The following ANO1 variants were observed in gnomAD, a reference collection of about 807,000 sequenced individuals.
The protein encoded by ANO1 is anoctamin 1.
A neutral mutation model predicts 124.0 loss-of-function variants in ANO1; 59 were observed. The ratio of observed to expected loss-of-function variants is 0.48; its 90% confidence interval spans 0.39 to 0.59. The LOEUF is 0.59. Ranked by LOEUF, ANO1 falls within the 20% of genes least tolerant of loss-of-function variation. The pLI is 0.00. For missense variants in ANO1, 1,059 were observed against 1,328.0 expected, an observed-to-expected ratio of 0.80 and a Z score of 3.15; for synonymous variants, 529 against 532.0, an observed-to-expected ratio of 0.99 and a Z score of 0.08.
chr11:70,167,378 A>G lies in ANO1; in HGVS notation c.2188A>G (p.Met730Val). The G allele has an allele frequency of 6.2e-7, 1 of 1,611,696 alleles. No homozygotes were observed. Among genetic ancestry groups the G allele is most frequent in the Non-Finnish European group, 8.5e-7 (1 of 1,178,766 alleles). The change falls in exon 21 of 26, where the codon ATG becomes GTG. Residue 730 changes from methionine (M) to valine (V), a missense_variant. Physicochemically the swap from Met to Val is conservative, Grantham distance 21. Coordinates refer to ENST00000355303, the MANE Select transcript of ANO1 (RefSeq NM_018043.7). ...EPFAGLTPEY[M>V]EMIIQFGFVT... ...CTTCGCGGGCCTCACCCCAGAGTAC[A>G]TGGAAATGAGTGAGTGATGGCCGGG...
At chr11:69,993,624 C>T (rs535570117) in intron 1 of ANO1, among the ~76,000 whole-genome samples, 25 of 152,342 alleles carry the variant, frequency 1.6e-4, no homozygotes, top group African/African-American at 5.5e-4. Context: ...CTGTGGGCAC[C>T]ACTGTATCCT....
chr11:70,160,684 C>T (rs534253862), intron 16 of ANO1, among the ~76,000 whole-genome samples: 1 of 152,320 alleles, frequency 6.6e-6, no homozygotes, highest in East Asian at 1.9e-4. Context: ...AGCCCTGCAC[C>T]ACCTGAGGAT....
At chr11:70,071,995 ATT>A (rs1555009365) in intron 1 of ANO1, among the ~76,000 whole-genome samples, 1 of 152,074 alleles carries the variant, frequency 6.6e-6, no homozygotes, top group Non-Finnish European at 1.5e-5. Flanking sequence ...TAGATTATTG[ATT>A]TCCCCTGATT....
At chr11:70,084,393 C>T (rs991092312) in intron 1 of ANO1, among the ~76,000 whole-genome samples, 7 of 152,196 alleles carry the variant, frequency 4.6e-5, no homozygotes, top group Admixed American at 3.3e-4. Context: ...ATCAGGGTGA[C>T]GGGGATGGCT....
chr11:70,082,644 C>G (rs1231078396), intron 1 of ANO1, among the ~76,000 whole-genome samples: 4 of 152,220 alleles, frequency 2.6e-5, no homozygotes, highest in African/African-American at 9.6e-5. Flanking sequence ...AATACAGAAA[C>G]AGAAATGTTC....
At chr11:70,061,918 T>G (rs1555007795) in intron 1 of ANO1, among the ~76,000 whole-genome samples, 1 of 152,100 alleles carries the variant, frequency 6.6e-6, no homozygotes, top group East Asian at 1.9e-4. Context: ...CCACAGGAAG[T>G]GTCAGGGCCT....
intron 1 of ANO1, among the ~76,000 whole-genome samples, chr11:70,053,223 G>A (rs116213824): frequency 6.6e-6 from 1 of 152,026 alleles, no homozygotes; most frequent in Non-Finnish European, 1.5e-5. Context: ...TGCTTTTGGG[G>A]ATAAAGTCAG....
At chr11:70,163,828 C>T (rs574971773) in intron 19 of ANO1, among the ~76,000 whole-genome samples, 1 of 151,912 alleles carries the variant, frequency 6.6e-6, no homozygotes, top group African/African-American at 2.4e-5. Context: ...ATCCCACCTA[C>T]TCGGGAGGCT....
chr11:70,032,505 G>A (rs1418472623), intron 1 of ANO1, among the ~76,000 whole-genome samples: 3 of 147,456 alleles, frequency 2.0e-5, no homozygotes, highest in African/African-American at 7.5e-5. Flanking sequence ...GAGCAAAAAA[G>A]ATGGGAGAGT....
At chr11:70,098,640 C>T (rs1323899590) in intron 2 of ANO1, among the ~76,000 whole-genome samples, 5 of 152,296 alleles carry the variant, frequency 3.3e-5, no homozygotes, top group Middle Eastern at 3.4e-3. Context: ...AAGGGCAACC[C>T]GAAAACCACC....
At chr11:70,175,700 T>A (rs540452479) in intron 22 of ANO1, among the ~76,000 whole-genome samples, 1 of 152,348 alleles carries the variant, frequency 6.6e-6, no homozygotes, top group African/African-American at 2.4e-5. Context: ...CCTCGCCAAG[T>A]ACCTGGCTTT....
intron 19 of ANO1, 149 bp downstream of exon 19, chr11:70,163,489 C>A (rs1463079141): frequency 2.2e-6 from 2 of 928,266 alleles, no homozygotes; most frequent in Non-Finnish European, 3.4e-6. Flanking sequence ...TTTCTGTTCC[C>A]CTGATGTGGT....
chr11:70,019,296 G>A (rs1565162238), intron 1 of ANO1, among the ~76,000 whole-genome samples: 2 of 134,272 alleles, frequency 1.5e-5, no homozygotes, highest in Admixed American at 9.1e-5. Flanking sequence ...CACAACCCAC[G>A]CTACACACAT....
chr11:69,999,301 G>A (rs1434091457), intron 1 of ANO1, among the ~76,000 whole-genome samples: 4 of 152,080 alleles, frequency 2.6e-5, no homozygotes, highest in African/African-American at 9.7e-5. Flanking sequence ...TGAATCTCAT[G>A]AGAACTCACT....
At chr11:70,168,551 C>T (rs1590908707) in intron 21 of ANO1, among the ~76,000 whole-genome samples, 1 of 152,222 alleles carries the variant, frequency 6.6e-6, no homozygotes, top group East Asian at 1.9e-4. Flanking sequence ...ACCCCTAGAG[C>T]AGGTCCAGGT....
intron 6 of ANO1, chr11:70,111,016 T>C: frequency 2.4e-6 from 1 of 412,818 alleles, no homozygotes; most frequent in Non-Finnish European, 4.9e-6. Context: ...CCAGGAGCAC[T>C]GGACGGCTGT....
rs2046361202 is a variant in ANO1, at chr11:70,123,111, G to T, written c.898-1239G>T. On this transcript the variant is annotated intron_variant, in intron 8 of 25. Coordinates refer to ENST00000355303, the MANE Select transcript of ANO1 (RefSeq NM_018043.7). ...GATCGCATCCTTCAGTGTAAAGGAG[G>T]AGACAGGGATGGGGGAAGGGGTCTG... 2.0e-5 allele frequency among the ~76,000 whole-genome samples: 3 copies of T among 152,188 alleles called. No individual in the cohort carries two copies. The South Asian group carries it at 6.2e-4, about 31-fold the overall frequency.
chr11:70,096,087 G>A (rs10792737), intron 2 of ANO1, among the ~76,000 whole-genome samples: 22,219 of 152,236 alleles, frequency 0.15, 1,783 homozygotes, highest in African/African-American at 0.2. Context: ...TCCTCCCGGG[G>A]CTGTCTCTTG....
At chr11:69,995,601 T>A (rs1441966124) in intron 1 of ANO1, among the ~76,000 whole-genome samples, 8 of 152,180 alleles carry the variant, frequency 5.3e-5, no homozygotes, top group African/African-American at 1.9e-4. Context: ...GCTGGTCAGG[T>A]CTTTTGTAGA....
Sources: allele counts gnomAD v4.1 joint callset (sites outside exome capture counted in the v4.1 genomes callset), GRCh38; gene constraint gnomAD v4.1.1; transcripts MANE v1.5; gene names NCBI Gene and HGNC (gene_info 2026-07-23, HGNC 2026-07-21).